LDLRAD4: variants seen among roughly 807,000 people sequenced by gnomAD.
LDLRAD4 encodes the protein low density lipoprotein receptor class A domain containing 4.
A neutral mutation model predicts 17.0 loss-of-function variants in LDLRAD4; 5 were observed. The observed-to-expected ratio is 0.29, with a 90% confidence interval of 0.15 to 0.62. The LOEUF (loss-of-function observed/expected upper bound fraction) is 0.62, where lower values mean the gene tolerates loss of function less well. LDLRAD4 is among the 20% of genes least tolerant of loss of function. LDLRAD4 has a pLI of 0.84. For synonymous variants in LDLRAD4, 168 were observed against 171.8 expected (o/e 0.98, Z 0.17); for missense variants, 340 against 424.7 (o/e 0.80, Z 1.75).
chr18:13,288,264 A>C (rs2045745134), intron 1 of LDLRAD4, among the ~76,000 whole-genome samples: 1 of 152,222 alleles, frequency 6.6e-6, no homozygotes, highest in Non-Finnish European at 1.5e-5. Context: ...CAGGTGAATA[A>C]AGGAAAATGA....
chr18:13,334,608 G>C (rs2082019525), intron 1 of LDLRAD4, among the ~76,000 whole-genome samples: 1 of 152,104 alleles, frequency 6.6e-6, no homozygotes, highest in African/African-American at 2.4e-5. Context: ...GAATTTTATT[G>C]ATTCTTCTGG....
chr18:13,259,263 C>CG (rs2043673238), intron 1 of LDLRAD4, among the ~76,000 whole-genome samples: 1 of 152,160 alleles, frequency 6.6e-6, no homozygotes, highest in African/African-American at 2.4e-5. Flanking sequence ...ACTGCAGCCT[C>CG]ATACTCCACA....
At chr18:13,467,763 G>A (rs959351411) in intron 3 of LDLRAD4, among the ~76,000 whole-genome samples, 4 of 152,278 alleles carry the variant, frequency 2.6e-5, no homozygotes, top group Admixed American at 1.3e-4. Context: ...TAATCAACAC[G>A]GTGTGGCGTG....
chr18:13,315,783 T>TAAAAA (rs78099800), intron 1 of LDLRAD4, among the ~76,000 whole-genome samples: 1 of 85,916 alleles, frequency 1.2e-5, no homozygotes, highest in African/African-American at 4.0e-5. Flanking sequence ...AAACTCCGTC[T>TAAAAA]AAAAAAAAAA....
intron 1 of LDLRAD4, among the ~76,000 whole-genome samples, chr18:13,328,365 T>G (rs1211902347): frequency 2.0e-5 from 3 of 152,200 alleles, no homozygotes; most frequent in Non-Finnish European, 4.4e-5. Context: ...TATTCATGAC[T>G]CCTCCTAGAG....
chr18:13,287,904 A>G (rs891097117), intron 1 of LDLRAD4, among the ~76,000 whole-genome samples: 1 of 152,262 alleles, frequency 6.6e-6, no homozygotes, highest in Non-Finnish European at 1.5e-5. Flanking sequence ...AGGCAAAGAC[A>G]TTAAGGCAAA....
intron 1 of LDLRAD4, among the ~76,000 whole-genome samples, chr18:13,330,156 T>C (rs994355195): frequency 6.6e-6 from 1 of 152,192 alleles, no homozygotes; most frequent in Non-Finnish European, 1.5e-5. Context: ...AGATGGGGTT[T>C]CACCATGTTA....
At chr18:13,628,265 C>T (rs1234935922) in intron 4 of LDLRAD4, among the ~76,000 whole-genome samples, 2 of 152,202 alleles carry the variant, frequency 1.3e-5, no homozygotes, top group South Asian at 4.1e-4. Flanking sequence ...CAGTTGTACT[C>T]GGTCTGCCTC....
intron 1 of LDLRAD4, among the ~76,000 whole-genome samples, chr18:13,304,894 T>C (rs958399064): frequency 1.3e-5 from 2 of 152,210 alleles, no homozygotes; most frequent in African/African-American, 4.8e-5. Context: ...AGACTCAGCC[T>C]GCATGCGTCA....
At chr18:13,487,537 C>T (rs1785111) in intron 3 of LDLRAD4, 148,492 of 152,390 alleles carry the variant, frequency 0.97, 72,471 homozygotes, top group East Asian at 1. Flanking sequence ...CTGTGCTCCA[C>T]CTCATGGCCA....
intron 2 of LDLRAD4, among the ~76,000 whole-genome samples, chr18:13,405,602 A>AC (rs1278953763): frequency 7.4e-6 from 1 of 135,078 alleles, no homozygotes. Context: ...GGCTAATTAA[A>AC]TTTTTTTTTT....
chr18:13,409,971 A>G (rs1354110803), intron 2 of LDLRAD4, among the ~76,000 whole-genome samples: 2 of 152,202 alleles, frequency 1.3e-5, no homozygotes, highest in African/African-American at 4.8e-5. Flanking sequence ...AACAATAAAC[A>G]TACCCACACG....
intron 1 of LDLRAD4, among the ~76,000 whole-genome samples, chr18:13,349,649 A>T (rs1000722772): frequency 2.6e-5 from 4 of 152,150 alleles, no homozygotes; most frequent in African/African-American, 9.7e-5. Context: ...AAGTTCTGGG[A>T]TACAAGTGCA....
intron 3 of LDLRAD4, among the ~76,000 whole-genome samples, chr18:13,541,840 G>T (rs891912884): frequency 6.6e-6 from 1 of 152,184 alleles, no homozygotes; most frequent in African/African-American, 2.4e-5. Context: ...ATAGCTTAAA[G>T]CCAGGAGGAT....
chr18:13,469,073 G>T (rs1471164734), intron 3 of LDLRAD4, among the ~76,000 whole-genome samples: 1 of 151,840 alleles, frequency 6.6e-6, no homozygotes, highest in African/African-American at 2.4e-5. Flanking sequence ...ATGGGCAAAG[G>T]GCTTAAATAG....
intron 1 of LDLRAD4, among the ~76,000 whole-genome samples, chr18:13,330,265 C>T (rs956942010): frequency 6.6e-6 from 1 of 152,104 alleles, no homozygotes; most frequent in Non-Finnish European, 1.5e-5. Flanking sequence ...CCTGGCCTCC[C>T]CTCCAGTTTT....
chr18:13,632,291 T>A (rs1568432593), intron 4 of LDLRAD4, among the ~76,000 whole-genome samples: 1 of 152,220 alleles, frequency 6.6e-6, no homozygotes, highest in African/African-American at 2.4e-5. Context: ...CTCACGTTAC[T>A]GGCCCAGATC....
At chr18:13,335,446 C>G (rs1274950057) in intron 1 of LDLRAD4, among the ~76,000 whole-genome samples, 1 of 152,222 alleles carries the variant, frequency 6.6e-6, no homozygotes, top group African/African-American at 2.4e-5. Flanking sequence ...TACCCTGTCT[C>G]CCACCATCTT....
chr18:13,477,916 C>G (rs185039728), intron 3 of LDLRAD4, among the ~76,000 whole-genome samples: 4 of 152,144 alleles, frequency 2.6e-5, no homozygotes, highest in Non-Finnish European at 5.9e-5. Flanking sequence ...GCGGCTTTTC[C>G]GTGGTCCCGG....
Sources: allele counts gnomAD v4.1 joint callset (sites outside exome capture counted in the v4.1 genomes callset), GRCh38; gene constraint gnomAD v4.1.1; transcripts MANE v1.5; gene names NCBI Gene and HGNC (gene_info 2026-07-23, HGNC 2026-07-21).